Variants in RERE observed in about 807,000 individuals in gnomAD.
RERE encodes the protein arginine-glutamic acid dipeptide repeats protein.
RERE carries 40 observed loss-of-function variants against 146.1 expected under a neutral mutation model. The observed-to-expected ratio is 0.27, with a 90% CI of 0.21 to 0.36. The LOEUF is 0.36. Among genes scored for constraint, RERE ranks in the 10% least tolerant of loss-of-function variants. RERE has a pLI of 1.00. For missense variants in RERE, 1,933 were observed against 2,138.7 expected, an observed-to-expected ratio of 0.90 and a Z score of 1.90; for synonymous variants, 1,003 against 866.0, an observed-to-expected ratio of 1.16 and a Z score of -2.78.
chr1:8,375,653 CTTCCTCACTCAGCAGCCACTGAAAATGT>C lies in RERE; in HGVS notation c.1285-9707_1285-9680del, dbSNP rs1642216228. On this transcript the variant is annotated intron_variant, in intron 12 of 22. Coordinates refer to ENST00000400908, the MANE Select transcript of RERE (RefSeq NM_001042681.2). ...CCTCACTCAGCAGCCACTGAAAATG[CTTCCTCACTCAGCAGCCACTGAAAATGT>C]TTCCTCACTCAGCAGCCACTGAAAA... 1.9e-3 allele frequency among the ~76,000 whole-genome samples: 262 copies of C among 135,492 alleles called. 2 individuals carry two copies. The highest frequency in any genetic ancestry group is 2.7e-3 in the Non-Finnish European group (170 of 61,888). The allele number at this position is 135,492 out of a possible 152,430, so 88.9% of individuals were successfully genotyped here.
chr1:8,779,010 C>T (rs917932718), intron 1 of RERE, among the ~76,000 whole-genome samples: 3 of 151,378 alleles, frequency 2.0e-5, no homozygotes, highest in Non-Finnish European at 2.9e-5. Flanking sequence ...CCATGCCTGG[C>T]TAATTTTTGT....
chr1:8,456,290 C>T (rs1372838996), intron 11 of RERE, among the ~76,000 whole-genome samples: 1 of 152,204 alleles, frequency 6.6e-6, no homozygotes, highest in African/African-American at 2.4e-5. Context: ...TCAGGACAGG[C>T]TGATAACAAG....
chr1:8,658,709 A>T (rs1359029436), intron 1 of RERE, among the ~76,000 whole-genome samples: 1 of 151,726 alleles, frequency 6.6e-6, no homozygotes, highest in Non-Finnish European at 1.5e-5. Flanking sequence ...GTGAGCTGAG[A>T]TCGTGCCACT....
chr1:8,583,793 C>T (rs1032807012), intron 4 of RERE, among the ~76,000 whole-genome samples: 4 of 151,838 alleles, frequency 2.6e-5, no homozygotes, highest in Non-Finnish European at 4.4e-5. Context: ...ATTTTTTTAA[C>T]ACTGCATAAA....
At chr1:8,692,983 T>C (rs1344133726) in intron 1 of RERE, among the ~76,000 whole-genome samples, 2 of 151,702 alleles carry the variant, frequency 1.3e-5, no homozygotes, top group Non-Finnish European at 1.5e-5. Context: ...CCATGACAAA[T>C]AGTAGAGAAA....
intron 6 of RERE, among the ~76,000 whole-genome samples, chr1:8,555,345 AC>A (rs998783786): frequency 6.6e-6 from 1 of 152,254 alleles, no homozygotes; most frequent in Non-Finnish European, 1.5e-5. Flanking sequence ...CTTTTATGCC[AC>A]AATGGCTGAG....
intron 4 of RERE, among the ~76,000 whole-genome samples, chr1:8,599,079 C>T (rs981603451): frequency 3.3e-5 from 5 of 152,180 alleles, no homozygotes; most frequent in Non-Finnish European, 7.4e-5. Context: ...TGGCGGACAG[C>T]GGGGCAGGGG....
At chr1:8,635,843 G>A (rs1306203790) in intron 2 of RERE, among the ~76,000 whole-genome samples, 2 of 152,166 alleles carry the variant, frequency 1.3e-5, no homozygotes, top group Non-Finnish European at 1.5e-5. Flanking sequence ...GTAAGTGCTG[G>A]AGATGCTAAG....
intron 1 of RERE, among the ~76,000 whole-genome samples, chr1:8,713,552 G>A (rs182548750): frequency 1.7e-3 from 257 of 152,068 alleles, no homozygotes; most frequent in Middle Eastern, 3.4e-3. Flanking sequence ...TCGCCAACAC[G>A]GTGAAACCCC....
At chr1:8,355,315 G>A in intron 22 of RERE, 104 bp downstream of exon 22, 1 of 1,327,990 alleles carries the variant, frequency 7.5e-7, no homozygotes, top group South Asian at 1.3e-5. Flanking sequence ...GTCCCCTCCA[G>A]GGCCCAGCAG....
chr1:8,693,067 G>C (rs1361425461), intron 1 of RERE, among the ~76,000 whole-genome samples: 1 of 152,094 alleles, frequency 6.6e-6, no homozygotes, highest in African/African-American at 2.4e-5. Flanking sequence ...ACTAAGAAGG[G>C]CTAAAATCCA....
chr1:8,395,588 A>G (rs750845463), intron 12 of RERE, among the ~76,000 whole-genome samples: 14 of 149,308 alleles, frequency 9.4e-5, no homozygotes, highest in Admixed American at 3.3e-4. Context: ...TGGAGGTAGG[A>G]AAAAAAAAAG....
chr1:8,529,818 A>G (rs1645619565), intron 7 of RERE, among the ~76,000 whole-genome samples: 1 of 152,176 alleles, frequency 6.6e-6, no homozygotes, highest in Admixed American at 6.5e-5. Context: ...TTCCATAATT[A>G]GGTTAGCCAC....
chr1:8,363,903 C>G (rs766872748), intron 15 of RERE, 153 bp downstream of exon 15: 2 of 694,646 alleles, frequency 2.9e-6, no homozygotes, highest in East Asian at 2.7e-5. Flanking sequence ...TCCCAGCCCA[C>G]AGGCAAGCTA....
intron 7 of RERE, among the ~76,000 whole-genome samples, chr1:8,515,945 G>A (rs939222769): frequency 4.0e-5 from 6 of 151,878 alleles, no homozygotes; most frequent in East Asian, 1.9e-4. Context: ...GGCCGGGTGC[G>A]GTGGCTCGTG....
At chr1:8,780,324 A>G (rs1156898711) in intron 1 of RERE, among the ~76,000 whole-genome samples, 2 of 152,168 alleles carry the variant, frequency 1.3e-5, no homozygotes, top group African/African-American at 4.8e-5. Flanking sequence ...GTTACCTCAG[A>G]AAGCAAAGAC....
chr1:8,786,949 A>G (rs1641270052), intron 1 of RERE: 1 of 680,246 alleles, frequency 1.5e-6, no homozygotes, highest in South Asian at 1.7e-5. Flanking sequence ...TCCAGCTGGT[A>G]AAGATCGCAG....
chr1:8,416,713 T>C (rs115928540), intron 12 of RERE, among the ~76,000 whole-genome samples: 2,405 of 152,260 alleles, frequency 0.016, 57 homozygotes, highest in African/African-American at 0.054. Context: ...CAAGCCCTAA[T>C]AGTGAAACTT....
intron 1 of RERE, among the ~76,000 whole-genome samples, chr1:8,731,317 G>A (rs868659472): frequency 2.0e-5 from 3 of 152,152 alleles, no homozygotes; most frequent in African/African-American, 7.2e-5. Context: ...AGAGGGGAAA[G>A]TAACCATTTT....
Sources: allele counts gnomAD v4.1 joint callset (sites outside exome capture counted in the v4.1 genomes callset), GRCh38; gene constraint gnomAD v4.1.1; transcripts MANE v1.5; gene names NCBI Gene and HGNC (gene_info 2026-07-23, HGNC 2026-07-21).